The following GSG1L variants were observed in gnomAD, a reference collection of about 807,000 sequenced individuals.
GSG1L encodes the protein germ cell-specific gene 1-like protein.
A neutral mutation model predicts 42.1 loss-of-function variants in GSG1L; 24 were observed. The ratio of observed to expected loss-of-function variants is 0.57; its 90% CI spans 0.41 to 0.80. GSG1L has a LOEUF of 0.80. Ranked by LOEUF, GSG1L falls within the 30% of genes least tolerant of loss-of-function variation. GSG1L has a pLI of 0.00. For synonymous variants in GSG1L, 215 were observed against 203.5 expected (o/e 1.06, Z -0.48); for missense variants, 445 against 472.2 (o/e 0.94, Z 0.53).
intron 1 of GSG1L, among the ~76,000 whole-genome samples, chr16:27,988,592 A>G (rs1396288005): frequency 6.6e-6 from 1 of 152,084 alleles, no homozygotes; most frequent in Non-Finnish European, 1.5e-5. Flanking sequence ...GCTGACTGAA[A>G]TTGGATGGAT....
At chr16:27,870,281 TTC>T (rs1226144905) in intron 3 of GSG1L, among the ~76,000 whole-genome samples, 2 of 144,078 alleles carry the variant, frequency 1.4e-5, no homozygotes, top group South Asian at 2.3e-4. Context: ...CTCTCCATCT[TTC>T]TGTCTCTGTC....
intron 2 of GSG1L, among the ~76,000 whole-genome samples, chr16:27,929,843 G>A (rs1436193286): frequency 6.6e-6 from 1 of 152,088 alleles, no homozygotes; most frequent in Non-Finnish European, 1.5e-5. Flanking sequence ...AGGAATGGGA[G>A]GGAAGAACAG....
chr16:27,995,883 A>AACACAC (rs3033625), intron 1 of GSG1L, among the ~76,000 whole-genome samples: 2,698 of 145,296 alleles, frequency 0.019, 79 homozygotes, highest in African/African-American at 0.061. Flanking sequence ...TACTGATTAA[A>AACACAC]ACACACACAC....
At chr16:27,927,647 T>C (rs1241648024) in intron 2 of GSG1L, among the ~76,000 whole-genome samples, 1 of 152,152 alleles carries the variant, frequency 6.6e-6, no homozygotes, top group Non-Finnish European at 1.5e-5. Flanking sequence ...CCTAAGTTCC[T>C]ACCTTAGTTG....
intron 3 of GSG1L, among the ~76,000 whole-genome samples, chr16:27,871,166 G>A (rs777298963): frequency 6.6e-6 from 1 of 152,110 alleles, no homozygotes; most frequent in Non-Finnish European, 1.5e-5. Context: ...TGAAAATTCC[G>A]AGTTGTCGTG....
intron 1 of GSG1L, among the ~76,000 whole-genome samples, chr16:28,034,870 G>A (rs1202974465): frequency 6.6e-6 from 1 of 152,182 alleles, no homozygotes; most frequent in Non-Finnish European, 1.5e-5. Flanking sequence ...AGGTGCAGGG[G>A]AATTGCCCCC....
chr16:27,824,545 C>CAAAAA (rs9302450), intron 5 of GSG1L, among the ~76,000 whole-genome samples: 1 of 141,596 alleles, frequency 7.1e-6, no homozygotes. Flanking sequence ...AGGGAAAGCA[C>CAAAAA]AAAAAAAAAA....
chr16:28,046,341 CTTTTTTT>C (rs201480876), intron 1 of GSG1L, among the ~76,000 whole-genome samples: 3 of 76,004 alleles, frequency 3.9e-5, no homozygotes, highest in South Asian at 8.0e-4. Context: ...GAAGTCCACT[CTTTTTTT>C]TTTTTTTTTT....
chr16:27,835,428 T>A (rs541883074), intron 4 of GSG1L, among the ~76,000 whole-genome samples: 4 of 152,298 alleles, frequency 2.6e-5, no homozygotes, highest in Admixed American at 2.0e-4. Flanking sequence ...CACATAGTTT[T>A]GGGTCATATG....
intron 1 of GSG1L, among the ~76,000 whole-genome samples, chr16:27,986,202 A>G (rs2085379671): frequency 6.6e-6 from 1 of 152,138 alleles, no homozygotes; most frequent in South Asian, 2.1e-4. Context: ...ATGTTTAGAT[A>G]AGAAAAGTGT....
At chr16:28,025,797 C>A (rs1332633279) in intron 1 of GSG1L, among the ~76,000 whole-genome samples, 1 of 152,212 alleles carries the variant, frequency 6.6e-6, no homozygotes, top group African/African-American at 2.4e-5. Context: ...CAGAAGAGGG[C>A]TGACAGTTGG....
intron 1 of GSG1L, among the ~76,000 whole-genome samples, chr16:27,989,425 T>C (rs368343108): frequency 6.6e-5 from 10 of 152,252 alleles, no homozygotes; most frequent in Admixed American, 2.0e-4. Flanking sequence ...AAGAGAGATA[T>C]ACTAGGCTTA....
rs936417576 is a variant in GSG1L at position 27,850,963 on chromosome 16, G to T, written c.551-5902C>A. On this transcript the variant is annotated intron_variant, in intron 3 of 6. Coordinates refer to ENST00000447459, the MANE Select transcript of GSG1L (RefSeq NM_001109763.2). ...AGAGAATGTTAAACGCCGGGAAGGC[G>T]TTTTAACAATGGGAGATAGAGAATG... 2.0e-5 allele frequency among the ~76,000 whole-genome samples: 3 copies of T among 152,162 alleles called. No homozygotes were observed. The South Asian group carries it at 6.2e-4, about 32-fold the overall frequency.
intron 2 of GSG1L, among the ~76,000 whole-genome samples, chr16:27,942,386 G>GGTCTGTTGGCTGTTGTGAATAA (rs2084810639): frequency 6.6e-6 from 1 of 150,384 alleles, no homozygotes. Flanking sequence ...CTGACCTCAG[G>GGTCTGTTGGCTGTTGTGAATAA]TGATCCACTT....
At chr16:27,906,122 A>C (rs1170384475) in intron 2 of GSG1L, among the ~76,000 whole-genome samples, 3 of 152,160 alleles carry the variant, frequency 2.0e-5, no homozygotes, top group Admixed American at 6.5e-5. Flanking sequence ...TTTAAAAAAA[A>C]AAGTTTTTTA....
intron 2 of GSG1L, among the ~76,000 whole-genome samples, chr16:27,885,922 T>C (rs2084021939): frequency 6.6e-6 from 1 of 152,224 alleles, no homozygotes; most frequent in Non-Finnish European, 1.5e-5. Flanking sequence ...TGCCATCTAG[T>C]TTAGGGAGGA....
intron 1 of GSG1L, among the ~76,000 whole-genome samples, chr16:27,971,589 TAGAG>T (rs1260496762): frequency 6.6e-6 from 1 of 152,200 alleles, no homozygotes; most frequent in African/African-American, 2.4e-5. Context: ...CATCTGCAAA[TAGAG>T]ATAGTTTTAC....
chr16:27,876,022 C>T (rs139295384), intron 3 of GSG1L, among the ~76,000 whole-genome samples: 3 of 152,190 alleles, frequency 2.0e-5, no homozygotes, highest in Non-Finnish European at 4.4e-5. Flanking sequence ...CCAGCATGAT[C>T]CCCTTTTTTC....
chr16:27,986,991 C>A (rs191382954), intron 1 of GSG1L, among the ~76,000 whole-genome samples: 82 of 152,278 alleles, frequency 5.4e-4, no homozygotes, highest in African/African-American at 1.9e-3. Context: ...CCAAGGCGGG[C>A]AGATCACCTG....
Sources: gnomAD v4.1 joint callset for allele counts (sites outside exome capture counted in the v4.1 genomes callset) on GRCh38, gnomAD v4.1.1 for gene constraint, MANE v1.5 for transcripts, NCBI Gene and HGNC (gene_info 2026-07-23, HGNC 2026-07-21) for gene names.